ADAM19: variants seen among roughly 807,000 people sequenced by gnomAD.
The protein encoded by ADAM19 is ADAM metallopeptidase domain 19.
Under a neutral mutation model 114.7 loss-of-function variants are expected in ADAM19, and 65 were observed. The observed-to-expected ratio is 0.57, with a 90% CI of 0.46 to 0.70. The LOEUF (loss-of-function observed/expected upper bound fraction) is 0.70. Ranked by LOEUF, ADAM19 falls within the 30% of genes least tolerant of loss-of-function variation. The pLI, the probability that ADAM19 is intolerant of heterozygous loss-of-function variation, is 0.00. For synonymous variants in ADAM19, 466 were observed against 460.5 expected (o/e 1.01, Z -0.15); for missense variants, 1,063 against 1,204.7 (o/e 0.88, Z 1.74).
intron 21 of ADAM19, among the ~76,000 whole-genome samples, chr5:157,485,188 G>T (rs1754895242): frequency 6.6e-6 from 1 of 152,140 alleles, no homozygotes; most frequent in South Asian, 2.1e-4. Flanking sequence ...CATCAGCCCT[G>T]CCTACTCCCT....
intron 21 of ADAM19, among the ~76,000 whole-genome samples, chr5:157,487,838 G>A (rs1754995505): frequency 6.6e-6 from 1 of 151,988 alleles, no homozygotes; most frequent in Admixed American, 6.5e-5. Context: ...CCTCAGAATT[G>A]AGGAATCAGG....
At chr5:157,510,435 T>C (rs950397768) in intron 8 of ADAM19, among the ~76,000 whole-genome samples, 6 of 152,144 alleles carry the variant, frequency 3.9e-5, no homozygotes, top group Admixed American at 6.5e-5. Context: ...GATTGTGCCA[T>C]TGCACTCCAG....
chr5:157,538,252 A>G (rs1756819206), intron 3 of ADAM19, among the ~76,000 whole-genome samples: 1 of 152,218 alleles, frequency 6.6e-6, no homozygotes, highest in Non-Finnish European at 1.5e-5. Context: ...GAACTAAAGC[A>G]ATGATCTTAA....
At chr5:157,500,618 G>A (rs1017002468) in intron 12 of ADAM19, among the ~76,000 whole-genome samples, 2 of 152,086 alleles carry the variant, frequency 1.3e-5, no homozygotes, top group African/African-American at 4.8e-5. Flanking sequence ...GAGTCTGCTG[G>A]AACAACCTCT....
chr5:157,528,185 T>A (rs1756525337), intron 5 of ADAM19, among the ~76,000 whole-genome samples: 1 of 152,184 alleles, frequency 6.6e-6, no homozygotes, highest in African/African-American at 2.4e-5. Flanking sequence ...AGTCTCCAGC[T>A]CTTAAATCAG....
Position 157,490,402 on chromosome 5 carries a change from G to A in ADAM19, c.2148C>T (p.Val716=), listed in dbSNP as rs757863057. 4 of 1,614,070 alleles carry A rather than the reference G, an allele frequency of 2.5e-6. No individual in the cohort carries two copies. The highest frequency in any genetic ancestry group is 3.4e-6 in the Non-Finnish European group (4 of 1,180,028). The change falls in exon 19 of 23, where the codon GTC becomes GTT. Residue 716 remains valine (V), a synonymous_variant. Transcript: ENST00000257527. ...GVLVAILVLA[V]LMLMYYCCRQ... Reference sequence around the variant, plus strand: ...TGCAGCAGTAGTACATCAGCATGAGGACCGCCAGCACCAAGATGGCCACCA... The same window carrying A: ...TGCAGCAGTAGTACATCAGCATGAGAACCGCCAGCACCAAGATGGCCACCA...
At chr5:157,569,211 G>A (rs1445099251) in intron 2 of ADAM19, 1 of 143,360 alleles carries the variant, frequency 7.0e-6, no homozygotes, top group Non-Finnish European at 1.5e-5. Flanking sequence ...AGGACAAAAT[G>A]TTACTTGCTT....
At chr5:157,515,893 C>T (rs1756076524) in intron 7 of ADAM19, among the ~76,000 whole-genome samples, 1 of 152,178 alleles carries the variant, frequency 6.6e-6, no homozygotes, top group South Asian at 2.1e-4. Context: ...ACCCTAGAAG[C>T]TCCCACCTAG....
intron 7 of ADAM19, among the ~76,000 whole-genome samples, chr5:157,516,225 G>T (rs553974467): frequency 1.3e-5 from 2 of 152,150 alleles, no homozygotes; most frequent in Non-Finnish European, 2.9e-5. Context: ...TCCCTCAAAT[G>T]AATCATTCAA....
chr5:157,540,739 T>C (rs1220562211), intron 3 of ADAM19, among the ~76,000 whole-genome samples: 1 of 152,168 alleles, frequency 6.6e-6, no homozygotes, highest in East Asian at 1.9e-4. Flanking sequence ...TATTCACCAC[T>C]GGACACCTCC....
chr5:157,507,263 AG>A, intron 9 of ADAM19, 123 bp from the exon 10 acceptor site: 1 of 885,744 alleles, frequency 1.1e-6, no homozygotes, highest in Non-Finnish European at 1.8e-6. Context: ...GTCATTCCCA[AG>A]GGGAGAGGCC....
intron 20 of ADAM19, 56 bp downstream of exon 20, chr5:157,489,046 C>A: frequency 3.7e-6 from 4 of 1,086,208 alleles, no homozygotes; most frequent in Non-Finnish European, 5.4e-6. Flanking sequence ...AAAAATACAG[C>A]ATGGCCCTGA....
chr5:157,504,566 A>G (rs984970399), intron 11 of ADAM19, among the ~76,000 whole-genome samples: 2 of 152,014 alleles, frequency 1.3e-5, no homozygotes, highest in African/African-American at 4.8e-5. Context: ...CATCCTTTCC[A>G]TGTCACAGCT....
chr5:157,550,649 A>G (rs1287265168), intron 3 of ADAM19, among the ~76,000 whole-genome samples: 1 of 151,484 alleles, frequency 6.6e-6, no homozygotes, highest in Non-Finnish European at 1.5e-5. Context: ...TGAGTGAACT[A>G]TATGGTATGT....
intron 16 of ADAM19, among the ~76,000 whole-genome samples, 188 bp downstream of exon 16, chr5:157,492,785 T>C (rs370099063): frequency 6.6e-6 from 1 of 152,208 alleles, no homozygotes; most frequent in Non-Finnish European, 1.5e-5. Flanking sequence ...GGGATGATTT[T>C]CTTTAATCCT....
intron 3 of ADAM19, among the ~76,000 whole-genome samples, chr5:157,541,147 T>A (rs887678617): frequency 6.6e-6 from 1 of 152,110 alleles, no homozygotes; most frequent in Non-Finnish European, 1.5e-5. Context: ...ACATGGTCAC[T>A]GAGCAGCCCG....
intron 1 of ADAM19, chr5:157,572,343 A>T: frequency 2.2e-6 from 1 of 444,708 alleles, no homozygotes; most frequent in South Asian, 1.6e-5. Context: ...AGGGCGCTGC[A>T]GAACTCAAAT....
chr5:157,540,685 G>A (rs558568150), intron 3 of ADAM19, among the ~76,000 whole-genome samples: 8 of 152,278 alleles, frequency 5.3e-5, no homozygotes, highest in Non-Finnish European at 8.8e-5. Context: ...ACTCGCAAAC[G>A]AATGAATGAA....
chr5:157,534,076 C>T (rs1007582748), intron 4 of ADAM19, among the ~76,000 whole-genome samples: 2 of 152,128 alleles, frequency 1.3e-5, no homozygotes, highest in African/African-American at 2.4e-5. Context: ...CTAGTTCTCT[C>T]GAAAATAGAG....
Sources: allele counts gnomAD v4.1 joint callset (sites outside exome capture counted in the v4.1 genomes callset), GRCh38; gene constraint gnomAD v4.1.1; transcripts MANE v1.5; gene names NCBI Gene and HGNC (gene_info 2026-07-23, HGNC 2026-07-21).